FGF14: variants seen among roughly 807,000 people sequenced by gnomAD.
The protein encoded by FGF14 is fibroblast growth factor homologous factor 4.
Under a neutral mutation model 25.5 loss-of-function variants are expected in FGF14, and 5 were observed. The ratio of observed to expected loss-of-function variants is 0.20; its 90% CI spans 0.10 to 0.41. FGF14 has a LOEUF of 0.41. FGF14 is among the 10% of genes least tolerant of loss of function. The probability of loss-of-function intolerance (pLI) is 1.00; values close to 1 mark genes in which losing one functional copy is unlikely to be tolerated. For missense variants in FGF14, 222 were observed against 320.1 expected (o/e 0.69, Z 2.34); for synonymous variants, 138 against 118.3 (o/e 1.17, Z -1.08).
At chr13:101,842,616 G>A (rs2140323015) in intron 3 of FGF14, among the ~76,000 whole-genome samples, 2 of 152,094 alleles carry the variant, frequency 1.3e-5, no homozygotes, top group South Asian at 4.1e-4. Flanking sequence ...TGTAGAAAGA[G>A]TCTTATTTTA....
At chr13:102,364,638 G>T (rs2057657698) in intron 1 of FGF14, among the ~76,000 whole-genome samples, 1 of 152,184 alleles carries the variant, frequency 6.6e-6, no homozygotes, top group Non-Finnish European at 1.5e-5. Flanking sequence ...AAACAGATCT[G>T]ACTTTAGATT....
chr13:102,203,699 G>A lies in FGF14; in HGVS notation c.208+197772C>T, dbSNP rs567396745. ...TGAATTTTAAACATTGTTCCACTTTGCTTTTAAGTGTACTTCATGAAGTCT... is the reference window on the plus strand; with the variant it reads ...TGAATTTTAAACATTGTTCCACTTTACTTTTAAGTGTACTTCATGAAGTCT... On this transcript the variant is annotated intron_variant, in intron 1 of 4. Transcript: ENST00000376131. 6.3e-4 allele frequency among the ~76,000 whole-genome samples: 96 copies of A among 152,176 alleles called. 1 individual carries two copies. The South Asian group carries it at 0.014, about 22-fold the overall frequency.
At chr13:102,356,849 G>A (rs921347910) in intron 1 of FGF14, among the ~76,000 whole-genome samples, 30 of 150,848 alleles carry the variant, frequency 2.0e-4, no homozygotes, top group Non-Finnish European at 4.1e-4. Flanking sequence ...GGACTTCTGA[G>A]ACTGGAAGAT....
intron 1 of FGF14, among the ~76,000 whole-genome samples, chr13:102,222,119 G>A (rs2050639342): frequency 6.6e-6 from 1 of 152,146 alleles, no homozygotes; most frequent in Non-Finnish European, 1.5e-5. Context: ...GTCTCACTCT[G>A]AACACAGAAT....
intron 1 of FGF14, among the ~76,000 whole-genome samples, chr13:102,191,169 G>A (rs529606998): frequency 8.5e-5 from 13 of 152,194 alleles, no homozygotes; most frequent in Admixed American, 2.6e-4. Context: ...CCAGGACATC[G>A]GTCAAAAACC....
At chr13:101,937,338 A>G (rs2035168078) in intron 1 of FGF14, among the ~76,000 whole-genome samples, 1 of 152,170 alleles carries the variant, frequency 6.6e-6, no homozygotes, top group African/African-American at 2.4e-5. Context: ...GCATTTGGAG[A>G]CAGGGTGATC....
chr13:101,919,421 A>G (rs2033829671), upstream of FGF14, among the ~76,000 whole-genome samples: 1 of 151,818 alleles, frequency 6.6e-6, no homozygotes, highest in Admixed American at 6.6e-5. Context: ...AAGCCTTTTG[A>G]TGTATGTGCC....
chr13:101,846,898 T>G (rs1244626687), intron 3 of FGF14, among the ~76,000 whole-genome samples: 1 of 152,024 alleles, frequency 6.6e-6, no homozygotes, highest in East Asian at 1.9e-4. Context: ...AGATGGATTT[T>G]TCATAGTCAA....
intron 1 of FGF14, among the ~76,000 whole-genome samples, chr13:102,120,286 A>G (rs990888617): frequency 1.3e-5 from 2 of 152,212 alleles, no homozygotes; most frequent in African/African-American, 4.8e-5. Context: ...AACTCAATGA[A>G]AAGACCTAGG....
At chr13:102,047,442 A>G (rs1200279461) in intron 1 of FGF14, among the ~76,000 whole-genome samples, 1 of 152,188 alleles carries the variant, frequency 6.6e-6, no homozygotes, top group Admixed American at 6.5e-5. Flanking sequence ...AAGGATTGAA[A>G]TGTTTTAAAG....
chr13:101,798,632 C>A (rs1253645989), intron 3 of FGF14, among the ~76,000 whole-genome samples: 1 of 152,062 alleles, frequency 6.6e-6, no homozygotes, highest in Admixed American at 6.6e-5. Flanking sequence ...AATGAAGAAT[C>A]TTGCTATGAA....
chr13:102,105,031 A>C (rs1029414185), intron 1 of FGF14, among the ~76,000 whole-genome samples: 3 of 152,228 alleles, frequency 2.0e-5, no homozygotes, highest in Non-Finnish European at 4.4e-5. Context: ...AATATGACTT[A>C]TGCAAAGGAA....
rs530850004 is a variant in FGF14, at chr13:101,953,459, A to G, written c.209-78163T>C. 3.3e-5 allele frequency among the ~76,000 whole-genome samples: 5 copies of G among 151,582 alleles called. No individual in the cohort carries two copies. In the East Asian group the frequency reaches 9.8e-4, roughly 30 times the overall value. Reference sequence around the variant, plus strand: ...TAGGTGGCTTCTGGACTCGAACCCAATGTCATATTCACTCCTGGACCACTC... The same window carrying G: ...TAGGTGGCTTCTGGACTCGAACCCAGTGTCATATTCACTCCTGGACCACTC... On this transcript the variant is annotated intron_variant, in intron 1 of 4. Transcript: ENST00000376131.
intron 1 of FGF14, among the ~76,000 whole-genome samples, chr13:101,957,835 C>T (rs576100893): frequency 5.3e-5 from 8 of 152,086 alleles, no homozygotes; most frequent in Admixed American, 2.0e-4. Flanking sequence ...TCTTAATCCA[C>T]GTTATATATG....
At chr13:102,162,697 A>G (rs2047829791) in intron 1 of FGF14, among the ~76,000 whole-genome samples, 1 of 152,208 alleles carries the variant, frequency 6.6e-6, no homozygotes, top group African/African-American at 2.4e-5. Context: ...TGGTTTATAA[A>G]TGGAATAATA....
intron 3 of FGF14, among the ~76,000 whole-genome samples, chr13:101,777,555 C>A (rs1291769939): frequency 2.6e-5 from 4 of 152,134 alleles, no homozygotes; most frequent in African/African-American, 7.2e-5. Flanking sequence ...ATGAGAATGA[C>A]TCCCCGAGGG....
chr13:102,383,514 A>G (rs564730463), intron 1 of FGF14, among the ~76,000 whole-genome samples: 12 of 152,330 alleles, frequency 7.9e-5, no homozygotes, highest in African/African-American at 2.9e-4. Context: ...ATCAAATGCT[A>G]TCTAAGGACA....
chr13:101,812,611 CTATATATATA>C (rs35878751), intron 3 of FGF14, among the ~76,000 whole-genome samples: 620 of 12,334 alleles, frequency 0.05, 32 homozygotes, highest in East Asian at 0.068. Context: ...ATTTTTAAAA[CTATATATATA>C]TATATATATA....
At chr13:102,077,435 T>C (rs1260492403) in intron 1 of FGF14, among the ~76,000 whole-genome samples, 1 of 152,162 alleles carries the variant, frequency 6.6e-6, no homozygotes, top group African/African-American at 2.4e-5. Context: ...GGAACTCATA[T>C]ACCTCAGTAG....
Sources: allele counts gnomAD v4.1 joint callset (sites outside exome capture counted in the v4.1 genomes callset), GRCh38; gene constraint gnomAD v4.1.1; transcripts MANE v1.5; gene names NCBI Gene and HGNC (gene_info 2026-07-23, HGNC 2026-07-21).